The following CPLANE1 variants were observed in gnomAD, a reference collection of about 807,000 sequenced individuals.
The protein encoded by CPLANE1 is ciliogenesis and planar polarity effector 1.
Under a neutral mutation model 362.5 loss-of-function variants are expected in CPLANE1, and 263 were observed. The observed-to-expected ratio is 0.73, with a 90% CI of 0.66 to 0.80. CPLANE1 has a LOEUF of 0.80. CPLANE1 is among the 30% of genes least tolerant of loss of function. The pLI is 0.00. For missense variants in CPLANE1, 3,461 were observed against 3,793.4 expected (o/e 0.91, Z 2.30); for synonymous variants, 1,212 against 1,302.6 (o/e 0.93, Z 1.50).
chr5:37,122,025 G>A (rs1030577507), intron 48 of CPLANE1, among the ~76,000 whole-genome samples: 5 of 151,916 alleles, frequency 3.3e-5, no homozygotes, highest in Admixed American at 6.6e-5. Context: ...GATTACAGGC[G>A]CCTGGCCACC....
rs200822106 is a variant in CPLANE1 at position 37,208,683 on chromosome 5, C to CA, written c.2921-2259_2921-2258insT. On this transcript the variant is annotated intron_variant, in intron 16 of 52. Coordinates refer to ENST00000651892, the MANE Select transcript of CPLANE1 (RefSeq NM_001384732.1). ...TAGAGCAAGACTCTGTCTCCCCCCC[C>CA]CCCCAAAAAAAAAAAAGAGTTCAGC... 8.6e-3 allele frequency among the ~76,000 whole-genome samples: 1,034 copies of CA among 120,248 alleles called. 25 individuals are homozygous for CA. The highest frequency in any genetic ancestry group is 0.032 in the African/African-American group (978 of 30,568). 78.9% of individuals were successfully genotyped at this position (120,248 alleles called of 152,430 possible).
the CPLANE1 span, among the ~76,000 whole-genome samples, chr5:37,087,528 C>T: frequency 1.3e-5 from 2 of 152,208 alleles, no homozygotes; most frequent in Non-Finnish European, 2.9e-5. Flanking sequence ...GCGATCTCGG[C>T]TCACTGCAAG....
At chr5:37,107,848 C>T (rs1444826496) in intron 52 of CPLANE1, 70 bp from the exon 53 acceptor site, 4 of 1,458,930 alleles carry the variant, frequency 2.7e-6, no homozygotes, top group Admixed American at 5.5e-5. Flanking sequence ...ACAAAAAAAC[C>T]TGGAACGTGA....
intron 51 of CPLANE1, among the ~76,000 whole-genome samples, chr5:37,114,088 G>C (rs1760174407): frequency 6.6e-6 from 1 of 152,276 alleles, no homozygotes; most frequent in East Asian, 1.9e-4. Flanking sequence ...TAGGATTATA[G>C]GTGTGAGCCA....
chr5:37,156,897 C>T (rs561327641), intron 41 of CPLANE1, among the ~76,000 whole-genome samples: 2 of 152,210 alleles, frequency 1.3e-5, no homozygotes, highest in South Asian at 2.1e-4. Flanking sequence ...ATGCAATATA[C>T]CTATGTAACA....
chr5:37,173,614 C>T (rs1780386647), intron 32 of CPLANE1, 141 bp downstream of exon 32: 1 of 739,336 alleles, frequency 1.4e-6, no homozygotes. Context: ...CAGTTATAAA[C>T]ATTTGAATGA....
chr5:37,091,234 T>G, the CPLANE1 span, among the ~76,000 whole-genome samples: 3 of 152,326 alleles, frequency 2.0e-5, no homozygotes, highest in East Asian at 3.9e-4. Context: ...AACTTAGATA[T>G]GTACATGTAT....
At chr5:37,156,926 G>T (rs1023956919) in intron 41 of CPLANE1, among the ~76,000 whole-genome samples, 5 of 152,090 alleles carry the variant, frequency 3.3e-5, no homozygotes, top group Admixed American at 3.3e-4. Flanking sequence ...CATGTGTCCC[G>T]AATTTGAAAT....
intron 24 of CPLANE1, among the ~76,000 whole-genome samples, chr5:37,185,504 A>G (rs570331606): frequency 2.0e-5 from 3 of 152,302 alleles, no homozygotes; most frequent in South Asian, 2.1e-4. Context: ...ACTAAAAGTA[A>G]TAAGAAACAA....
intron 25 of CPLANE1, among the ~76,000 whole-genome samples, chr5:37,184,192 T>A (rs1783384185): frequency 6.6e-6 from 1 of 152,156 alleles, no homozygotes; most frequent in Non-Finnish European, 1.5e-5. Context: ...TGGGAACTTT[T>A]TCTAAACACT....
At position 37,168,945 on chromosome 5, in the gene CPLANE1, G is replaced by A. The variant is rs779569678; in HGVS notation, c.7079C>T (p.Pro2360Leu). 5.3e-5 allele frequency: 85 copies of A among 1,614,026 alleles called. No homozygotes were observed. Among genetic ancestry groups the A allele is most frequent in the Non-Finnish European group, 6.4e-5 (75 of 1,180,026 alleles). ...AGGTTTAAGTGGCAGGTATAGTAAC[G>A]GAAGTCCAAAGGAATGGTGAGGAGA... ...EISPHHSFGL[P>L]LLYLPLKPPN... is the part of the protein sequence containing the mutation. Residue 2360 changes from proline to leucine, a missense_variant, in exon 34 of 53, where the codon CCG (proline) becomes CTG (leucine). Pro to Leu is a moderately conservative substitution (Grantham distance 98). Transcript: ENST00000651892.
chr5:37,172,516 C>T (rs1780075329), intron 32 of CPLANE1, among the ~76,000 whole-genome samples: 1 of 152,188 alleles, frequency 6.6e-6, no homozygotes, highest in Admixed American at 6.5e-5. Context: ...AGTAATCCAT[C>T]TAACAGTTTG....
chr5:37,130,135 T>C (rs532494798), intron 46 of CPLANE1, among the ~76,000 whole-genome samples: 2 of 152,168 alleles, frequency 1.3e-5, no homozygotes, highest in South Asian at 4.2e-4. Flanking sequence ...CTAAGTGAAA[T>C]AACTCAGGAA....
intron 15 of CPLANE1, among the ~76,000 whole-genome samples, chr5:37,217,080 A>G (rs938585173): frequency 2.6e-5 from 4 of 152,092 alleles, no homozygotes; most frequent in Admixed American, 6.6e-5. Context: ...ATTTGGGGGG[A>G]AAAACCACAC....
intron 41 of CPLANE1, among the ~76,000 whole-genome samples, chr5:37,156,468 G>C (rs534231998): frequency 1.3e-5 from 2 of 152,118 alleles, no homozygotes; most frequent in African/African-American, 4.8e-5. Context: ...AGCTAGGCAT[G>C]GTGGTGTGTG....
intron 8 of CPLANE1, among the ~76,000 whole-genome samples, chr5:37,232,648 G>A (rs1207601881): frequency 6.6e-6 from 1 of 150,702 alleles, no homozygotes; most frequent in Non-Finnish European, 1.5e-5. Flanking sequence ...ACCAGCCAGG[G>A]CAACATAGCA....
chr5:37,183,119 T>C lies in CPLANE1; in HGVS notation c.5062A>G (p.Ile1688Val). The C allele has an allele frequency of 1.2e-6, 2 of 1,613,296 alleles. 1 individual carries two copies. Among genetic ancestry groups the C allele is most frequent in the South Asian group, 2.2e-5 (2 of 91,030 alleles). ...CATTTCTCTCTAGTGTCATCTTGTA[T>C]TTTGTAAATTGACCTTTGTTTTAAA... ...FGLKQRSIYK[I>V]QDDTREKCLI... The change falls in exon 26 of 53, where the codon ATA becomes GTA. Residue 1688 changes from isoleucine to valine, a missense_variant. Physicochemically the swap from Ile to Val is conservative, Grantham distance 29. Around this residue, in one of 2 missense-constraint regions of CPLANE1, gnomAD observed 3,380 missense variants for 3,666.1 expected, o/e 0.92. Transcript: ENST00000651892.
Position 37,138,758 on chromosome 5 carries a change from T to C in CPLANE1, c.8754A>G (p.Glu2918=), listed in dbSNP as rs1768652295. 1 of 1,613,010 alleles carries C rather than the reference T, an allele frequency of 6.2e-7. No homozygotes were observed. Among genetic ancestry groups the C allele is most frequent in the African/African-American group, 1.3e-5 (1 of 74,898 alleles). ...TAGCTTGTTCTGTTAAGCCAAGTTC[T>C]TCACTGGAAACTCCGTCTTTAATTA... is the stretch of plus-strand genomic sequence containing the variant. ...DLIIKDGVSS[E]ELGLTEQAMG... Residue 2918 remains glutamate, a synonymous_variant, in exon 46 of 53, where the codon GAA becomes GAG. Coordinates refer to ENST00000651892, the MANE Select transcript of CPLANE1 (RefSeq NM_001384732.1).
intron 41 of CPLANE1, among the ~76,000 whole-genome samples, chr5:37,155,940 C>T (rs1008385685): frequency 2.4e-4 from 37 of 152,202 alleles, no homozygotes; most frequent in Non-Finnish European, 1.6e-4. Flanking sequence ...AGATTGCTAG[C>T]TTCATACATC....
Sources: gnomAD v4.1 joint callset for allele counts (sites outside exome capture counted in the v4.1 genomes callset) on GRCh38, gnomAD v4.1.1 for gene constraint, gnomAD v4.1.1 regional missense constraint, MANE v1.5 for transcripts, NCBI Gene and HGNC (gene_info 2026-07-23, HGNC 2026-07-21) for gene names.